The following FREM3 variants were observed in gnomAD, a reference collection of about 807,000 sequenced individuals.
FREM3 encodes FRAS1-related extracellular matrix protein 3.
FREM3 carries 105 observed loss-of-function variants against 129.1 expected under a neutral mutation model. The ratio of observed to expected loss-of-function variants is 0.81; its 90% confidence interval spans 0.69 to 0.96. The LOEUF (loss-of-function observed/expected upper bound fraction) is 0.96. FREM3 is among the 40% of genes least tolerant of loss of function. The probability of loss-of-function intolerance (pLI) is 0.00; values close to 1 mark genes in which losing one functional copy is unlikely to be tolerated. For synonymous variants in FREM3, 1,014 were observed against 1,044.9 expected (o/e 0.97, Z 0.57); for missense variants, 2,593 against 2,666.3 (o/e 0.97, Z 0.61).
chr4:143,671,593 A>G (rs138843053), intron 2 of FREM3, among the ~76,000 whole-genome samples: 183 of 152,300 alleles, frequency 1.2e-3, no homozygotes, highest in African/African-American at 4.3e-3. Context: ...CTGTACTAAA[A>G]TTCTCATTTT....
At chr4:143,674,335 A>C (rs1740063154) in intron 2 of FREM3, among the ~76,000 whole-genome samples, 1 of 152,188 alleles carries the variant, frequency 6.6e-6, no homozygotes, top group Admixed American at 6.5e-5. Context: ...ACAGACAAGC[A>C]ACTGCTGAGA....
intron 2 of FREM3, among the ~76,000 whole-genome samples, chr4:143,691,141 A>C (rs1018100591): frequency 6.6e-6 from 1 of 152,226 alleles, no homozygotes; most frequent in African/African-American, 2.4e-5. Flanking sequence ...ATGTATATGT[A>C]CTTTAAGATA....
intron 6 of FREM3, among the ~76,000 whole-genome samples, chr4:143,588,259 A>G (rs1324415895): frequency 6.6e-6 from 1 of 151,994 alleles, no homozygotes; most frequent in Non-Finnish European, 1.5e-5. Flanking sequence ...TATTATTATT[A>G]TACTTTAAGT....
At chr4:143,597,175 C>A (rs947319921) in intron 6 of FREM3, among the ~76,000 whole-genome samples, 1 of 151,998 alleles carries the variant, frequency 6.6e-6, no homozygotes, top group Non-Finnish European at 1.5e-5. Context: ...AGCAAAAAAT[C>A]GTTGGCGAGA....
chr4:143,658,839 T>G (rs1457143830), intron 2 of FREM3, among the ~76,000 whole-genome samples: 1 of 152,188 alleles, frequency 6.6e-6, no homozygotes, highest in African/African-American at 2.4e-5. Flanking sequence ...CTTCATGGTC[T>G]GGAGCATGCT....
At chr4:143,673,327 G>A (rs771863723) in intron 2 of FREM3, among the ~76,000 whole-genome samples, 1 of 152,236 alleles carries the variant, frequency 6.6e-6, no homozygotes, top group Non-Finnish European at 1.5e-5. Context: ...ACCCTAAGCT[G>A]CAGGTCTGTT....
chr4:143,676,125 T>G (rs1740115311), intron 2 of FREM3, among the ~76,000 whole-genome samples: 1 of 152,124 alleles, frequency 6.6e-6, no homozygotes, highest in South Asian at 2.1e-4. Context: ...TGATGAACAT[T>G]GATGCAAAAA....
intron 1 of FREM3, among the ~76,000 whole-genome samples, chr4:143,695,272 A>C (rs1249551494): frequency 1.3e-5 from 2 of 152,186 alleles, no homozygotes; most frequent in African/African-American, 4.8e-5. Flanking sequence ...AACTTTATGA[A>C]ATATCTGTGA....
chr4:143,643,779 G>C (rs1739365541), intron 2 of FREM3, among the ~76,000 whole-genome samples: 1 of 152,006 alleles, frequency 6.6e-6, no homozygotes, highest in Non-Finnish European at 1.5e-5. Flanking sequence ...AAATGGTAAG[G>C]TATTGCATGC....
chr4:143,583,163 C>T (rs58934148), intron 7 of FREM3, among the ~76,000 whole-genome samples: 174 of 152,026 alleles, frequency 1.1e-3, no homozygotes, highest in African/African-American at 3.8e-3. Flanking sequence ...GCCACTGTGC[C>T]GGGCCAATTG....
chr4:143,649,950 G>A (rs543716468), intron 2 of FREM3, among the ~76,000 whole-genome samples: 1 of 152,304 alleles, frequency 6.6e-6, no homozygotes, highest in South Asian at 2.1e-4. Context: ...TACTCTTACA[G>A]TTTGGGTTTG....
chr4:143,675,040 C>G (rs944720883), intron 2 of FREM3, among the ~76,000 whole-genome samples: 2 of 152,172 alleles, frequency 1.3e-5, no homozygotes, highest in African/African-American at 4.8e-5. Context: ...CCAAGTGGAC[C>G]TAATAGACAT....
intron 5 of FREM3, among the ~76,000 whole-genome samples, chr4:143,616,265 G>T (rs1738843153): frequency 6.6e-6 from 1 of 152,106 alleles, no homozygotes; most frequent in Non-Finnish European, 1.5e-5. Flanking sequence ...AACAGAAAAT[G>T]GTGAGAGTTT....
In FREM3 at chr4:143,624,306, C is replaced by T; in HGVS notation, c.5455G>A (p.Asp1819Asn). Residue 1819 changes from aspartate (D) to asparagine (N), a missense_variant, in exon 4 of 8, where the codon GAC (aspartate) becomes AAC (asparagine). Asp to Asn is a conservative substitution (Grantham distance 23). Coordinates refer to ENST00000329798, the MANE Select transcript of FREM3 (RefSeq NM_001168235.2). ...TTGGTCTTCCATTTGAAATCTTTGTCTTTTTTTGCAGTTTCATCTTTGGTA... is the reference window on the plus strand; with the variant it reads ...TTGGTCTTCCATTTGAAATCTTTGTTTTTTTTTGCAGTTTCATCTTTGGTA... ...IGTKDETAKK[D>N]KDFKWKTNKQ... is the part of the protein sequence containing the mutation. The T allele has an allele frequency of 6.5e-7, 1 of 1,536,826 alleles. No homozygotes were observed. The highest frequency in any genetic ancestry group is 1.4e-5 in the African/African-American group (1 of 73,140).
rs1560848794 is a variant in FREM3, at chr4:143,624,324, C to A, written c.5437G>T (p.Asp1813Tyr). ...ETSFISIGTK[D>Y]ETAKKDKDFK... ...TCTTTGTCTTTTTTTGCAGTTTCAT[C>A]TTTGGTACCAATGCCTGAATAAAAA... is the stretch of plus-strand genomic sequence containing the variant. Residue 1813 changes from aspartate (D) to tyrosine (Y), a missense_variant, in exon 4 of 8, where the codon GAT (aspartate) becomes TAT (tyrosine). Physicochemically the swap from Asp to Tyr is radical, Grantham distance 160. Coordinates refer to ENST00000329798, the MANE Select transcript of FREM3 (RefSeq NM_001168235.2). 1 of 1,534,322 alleles carries A rather than the reference C, an allele frequency of 6.5e-7. No individual in the cohort carries two copies. The highest frequency in any genetic ancestry group is 2.4e-5 in the East Asian group (1 of 40,884).
At chr4:143,620,483 C>T (rs920800935) in intron 5 of FREM3, among the ~76,000 whole-genome samples, 3 of 152,116 alleles carry the variant, frequency 2.0e-5, no homozygotes, top group Non-Finnish European at 4.4e-5. Flanking sequence ...GGGGATGAGA[C>T]ATGAGACAGC....
intron 2 of FREM3, among the ~76,000 whole-genome samples, chr4:143,670,708 T>A (rs1420548118): frequency 6.6e-6 from 1 of 152,168 alleles, no homozygotes; most frequent in Non-Finnish European, 1.5e-5. Flanking sequence ...GATTTACTAG[T>A]TGAGAATATT....
intron 2 of FREM3, among the ~76,000 whole-genome samples, chr4:143,636,244 C>T (rs1049272304): frequency 4.1e-5 from 6 of 146,140 alleles, no homozygotes; most frequent in African/African-American, 1.5e-4. Flanking sequence ...CATATAACCT[C>T]ATACTGGGAA....
chr4:143,687,996 C>G (rs1740398830), intron 2 of FREM3, among the ~76,000 whole-genome samples: 1 of 152,114 alleles, frequency 6.6e-6, no homozygotes, highest in African/African-American at 2.4e-5. Context: ...CAACATAGTA[C>G]TGGAAGTCCT....
Sources: allele counts gnomAD v4.1 joint callset (sites outside exome capture counted in the v4.1 genomes callset), GRCh38; gene constraint gnomAD v4.1.1; transcripts MANE v1.5; gene names NCBI Gene and HGNC (gene_info 2026-07-23, HGNC 2026-07-21).